The following PRKAR1B variants were observed in gnomAD, a reference collection of about 807,000 sequenced individuals.
The protein encoded by PRKAR1B is cAMP-dependent protein kinase type I-beta regulatory subunit.
In PRKAR1B, 22 loss-of-function variants were observed where a neutral mutation model predicts 46.5. The ratio of observed to expected loss-of-function variants is 0.47; its 90% CI spans 0.34 to 0.68. The LOEUF (loss-of-function observed/expected upper bound fraction) is 0.68, where lower values mean the gene tolerates loss of function less well. Ranked by LOEUF, PRKAR1B falls within the 30% of genes least tolerant of loss-of-function variation. The pLI, the probability that PRKAR1B is intolerant of heterozygous loss-of-function variation, is 0.01. For synonymous variants in PRKAR1B, 259 were observed against 217.7 expected (o/e 1.19, Z -1.67); for missense variants, 445 against 535.6 (o/e 0.83, Z 1.67).
intron 9 of PRKAR1B, among the ~76,000 whole-genome samples, chr7:570,222 C>T (rs1407398152): frequency 6.6e-6 from 1 of 152,200 alleles, no homozygotes; most frequent in African/African-American, 2.4e-5. Context: ...CCTAGGCCTC[C>T]GGAAGGTTGA....
At chr7:562,817 A>C (rs1037393440) in intron 9 of PRKAR1B, among the ~76,000 whole-genome samples, 7 of 151,288 alleles carry the variant, frequency 4.6e-5, no homozygotes, top group African/African-American at 1.7e-4. Context: ...CCCAACCATG[A>C]CTCCCTCCAC....
chr7:582,952 G>A (rs1190921973), intron 8 of PRKAR1B, among the ~76,000 whole-genome samples: 2 of 152,206 alleles, frequency 1.3e-5, no homozygotes, highest in Non-Finnish European at 2.9e-5. Context: ...AATGGCACTA[G>A]AATTAAAACC....
intron 2 of PRKAR1B, among the ~76,000 whole-genome samples, chr7:709,645 C>T (rs1780519016): frequency 6.6e-6 from 1 of 152,158 alleles, no homozygotes; most frequent in Admixed American, 6.5e-5. Flanking sequence ...GCTGGGATTA[C>T]AGGCGTGAGC....
At chr7:600,442 T>A (rs768692770) in intron 6 of PRKAR1B, among the ~76,000 whole-genome samples, 1 of 152,196 alleles carries the variant, frequency 6.6e-6, no homozygotes, top group Non-Finnish European at 1.5e-5. Context: ...CAATGAGCTA[T>A]GATCACGCCA....
chr7:577,818 G>C (rs1779946417), intron 9 of PRKAR1B, among the ~76,000 whole-genome samples: 1 of 152,250 alleles, frequency 6.6e-6, no homozygotes, highest in Non-Finnish European at 1.5e-5. Flanking sequence ...GCCAGCAGGA[G>C]GTGGAATGAA....
chr7:596,404 T>TC, intron 6 of PRKAR1B, 100 bp from the exon 7 acceptor site: 1 of 1,420,000 alleles, frequency 7.0e-7, no homozygotes, highest in South Asian at 1.3e-5. Context: ...CAGAAGAGGG[T>TC]CCCCGCAGGG....
At chr7:707,506 T>C (rs1388432819) in intron 2 of PRKAR1B, among the ~76,000 whole-genome samples, 1 of 152,168 alleles carries the variant, frequency 6.6e-6, no homozygotes, top group Non-Finnish European at 1.5e-5. Context: ...AGAAGGCCGC[T>C]GGGATCCGTG....
intron 9 of PRKAR1B, among the ~76,000 whole-genome samples, chr7:562,838 C>T (rs1778887031): frequency 6.6e-6 from 1 of 152,200 alleles, no homozygotes; most frequent in African/African-American, 2.4e-5. Flanking sequence ...CATGCTGACC[C>T]CCGGCCAGGA....
chr7:685,385 C>CACATATATATATATACATACATATATAT lies in PRKAR1B; in HGVS notation c.178-4660_178-4659insATATATATGTATGTATATATATATATGT, dbSNP rs1554303273. Among the ~76,000 whole-genome samples, 7 of 79,514 alleles carry CACATATATATATATACATACATATATAT rather than the reference C, an allele frequency of 8.8e-5. 1 individual carries two copies. The highest frequency in any genetic ancestry group is 1.3e-4 in the Admixed American group (1 of 7,536). The allele number at this position is 79,514 out of a possible 152,430, so 52.2% of individuals were successfully genotyped here. A position where few individuals can be genotyped will look rare whatever the true frequency, so the allele number is the denominator to read the frequency against. On this transcript the variant is annotated intron_variant, in intron 2 of 10. Transcript: ENST00000537384. ...ATATACACATATATATATATACATA[C>CACATATATATATATACATACATATATAT]ATATATATATATATATGTATATATA...
intron 7 of PRKAR1B, among the ~76,000 whole-genome samples, chr7:592,968 G>A (rs544020104): frequency 1.4e-4 from 22 of 152,320 alleles, no homozygotes; most frequent in African/African-American, 4.1e-4. Context: ...CCGGGGAGGC[G>A]GAGGCTACAG....
At chr7:583,662 ACACACCCACACACAACCCACACGGTG>A (rs1780416332) in intron 8 of PRKAR1B, among the ~76,000 whole-genome samples, 1 of 138,404 alleles carries the variant, frequency 7.2e-6, no homozygotes, top group African/African-American at 3.0e-5. Flanking sequence ...ACCCATGCGC[ACACACCCACACACAACCCACACGGTG>A]CACTCACACC....
chr7:551,259 G>A, intron 10 of PRKAR1B, 130 bp downstream of exon 10: 1 of 850,976 alleles, frequency 1.2e-6, no homozygotes, highest in Non-Finnish European at 1.8e-6. Context: ...CAGCCACACT[G>A]GGGCTCAGCC....
At chr7:615,840 A>AC (rs1234701822) in intron 4 of PRKAR1B, among the ~76,000 whole-genome samples, 4 of 151,074 alleles carry the variant, frequency 2.6e-5, no homozygotes, top group Non-Finnish European at 5.9e-5. Context: ...AAAAAAAAAA[A>AC]AAGAAAGCAA....
rs576689977 is a variant in PRKAR1B, at chr7:624,774, CT to C, written c.441-17323del. ...ACAAATGCACCATTATAGTTTAAGA[CT>C]TTAACGCCCCTCAGCTAGTTATTGA... On this transcript the variant is annotated intron_variant, in intron 4 of 10. Coordinates refer to ENST00000537384, the MANE Select transcript of PRKAR1B (RefSeq NM_001164760.2). 1.2e-4 allele frequency among the ~76,000 whole-genome samples: 18 copies of C among 152,294 alleles called. No homozygotes were observed. In the East Asian group the frequency reaches 3.5e-3, roughly 29 times the overall value.
chr7:563,569 C>A (rs553622573), intron 9 of PRKAR1B, among the ~76,000 whole-genome samples: 6 of 151,888 alleles, frequency 4.0e-5, no homozygotes, highest in Non-Finnish European at 7.4e-5. Context: ...CGTGTGAGTG[C>A]GTGCACAGGT....
At chr7:651,218 C>A (rs1012348198) in intron 4 of PRKAR1B, among the ~76,000 whole-genome samples, 1 of 152,220 alleles carries the variant, frequency 6.6e-6, no homozygotes, top group African/African-American at 2.4e-5. Flanking sequence ...GCCCTCAAGT[C>A]CGCAGGGACC....
intron 2 of PRKAR1B, chr7:691,587 G>A (rs554830227): frequency 2.8e-5 from 36 of 1,304,328 alleles, no homozygotes; most frequent in Admixed American, 4.6e-5. Context: ...CAGTCCTTTC[G>A]GACAGCCCAA....
intron 3 of PRKAR1B, among the ~76,000 whole-genome samples, 191 bp downstream of exon 3, chr7:680,365 T>C (rs1470658534): frequency 2.0e-5 from 3 of 152,140 alleles, no homozygotes; most frequent in African/African-American, 7.2e-5. Context: ...TCAGCTCATC[T>C]GGCAAAGACA....
At chr7:662,607 C>T (rs555679002) in intron 4 of PRKAR1B, among the ~76,000 whole-genome samples, 2 of 149,262 alleles carry the variant, frequency 1.3e-5, no homozygotes, top group Non-Finnish European at 3.0e-5. Flanking sequence ...CAAGTCCCCA[C>T]CCCAACAGAT....
Sources: allele counts gnomAD v4.1 joint callset (sites outside exome capture counted in the v4.1 genomes callset), GRCh38; gene constraint gnomAD v4.1.1; transcripts MANE v1.5; gene names NCBI Gene and HGNC (gene_info 2026-07-23, HGNC 2026-07-21).